Variants in TMSB15B observed in about 807,000 individuals in gnomAD.
The protein encoded by TMSB15B is thymosin beta-15B.
chrX:103,950,480 A>G (rs2075036327), intron 1 of TMSB15B, among the ~76,000 whole-genome samples: 1 of 110,768 alleles, frequency 9.0e-6, no homozygotes. Flanking sequence ...AGTCTTAGAC[A>G]GGAACACTGG....
chrX:103,934,363 T>C (rs1556320660), intron 1 of TMSB15B, among the ~76,000 whole-genome samples: 1 of 111,077 alleles, frequency 9.0e-6, no homozygotes, highest in Non-Finnish European at 1.9e-5. Flanking sequence ...TATTGTACTT[T>C]AAGTTCTGGG....
At chrX:103,940,320 T>G (rs1386490057) in intron 1 of TMSB15B, among the ~76,000 whole-genome samples, 1 of 112,418 alleles carries the variant, frequency 8.9e-6, no homozygotes, top group Admixed American at 9.4e-5. Flanking sequence ...AGTCCCTGAC[T>G]GGGGCTGCTG....
intron 1 of TMSB15B, among the ~76,000 whole-genome samples, chrX:103,938,561 A>G (rs1229142574): frequency 9.0e-6 from 1 of 111,508 alleles, no homozygotes; most frequent in Non-Finnish European, 1.9e-5. Flanking sequence ...TGCATGTGAG[A>G]TGGGTCTCCT....
At chrX:103,934,448 G>A (rs184746007) in intron 1 of TMSB15B, among the ~76,000 whole-genome samples, 6 of 110,087 alleles carry the variant, frequency 5.5e-5, no homozygotes, top group East Asian at 2.9e-4. Context: ...ACATCAATCC[G>A]TCATCTACAT....
At chrX:103,945,475 T>C (rs1203218305) in intron 1 of TMSB15B, among the ~76,000 whole-genome samples, 1 of 111,846 alleles carries the variant, frequency 8.9e-6, no homozygotes, top group Non-Finnish European at 1.9e-5. Flanking sequence ...CATAACCAAT[T>C]CAGTCCCACA....
chrX:103,921,945 T>C (rs1446698688), intron 1 of TMSB15B, among the ~76,000 whole-genome samples: 14 of 112,098 alleles, frequency 1.2e-4, no homozygotes, highest in African/African-American at 4.5e-4. Flanking sequence ...CCAAAGCCCA[T>C]GAAAACTCTT....
chrX:103,949,824 C>T (rs1362820131), intron 1 of TMSB15B, among the ~76,000 whole-genome samples: 2 of 111,394 alleles, frequency 1.8e-5, no homozygotes, highest in Non-Finnish European at 3.8e-5. Context: ...AAGAGATCAC[C>T]AAGGGAGTAT....
intron 1 of TMSB15B, among the ~76,000 whole-genome samples, chrX:103,954,426 A>G (rs1266136342): frequency 3.6e-5 from 4 of 111,685 alleles, no homozygotes; most frequent in Non-Finnish European, 7.5e-5. Context: ...TGACTTGTGG[A>G]GAGCTCCAGT....
intron 1 of TMSB15B, among the ~76,000 whole-genome samples, chrX:103,950,421 G>T (rs2075036162): frequency 9.1e-6 from 1 of 110,351 alleles, no homozygotes; most frequent in African/African-American, 3.3e-5. Context: ...ATCATCTGGG[G>T]CTCCCTCTTG....
At chrX:103,928,628 T>C in intron 1 of TMSB15B, 3 of 1,161,241 alleles carry the variant, frequency 2.6e-6, no homozygotes, top group Non-Finnish European at 3.5e-6. Context: ...TACCATGGTT[T>C]CTGGCCTGTC....
chrX:103,928,430 A>C, intron 1 of TMSB15B: 1 of 1,205,821 alleles, frequency 8.3e-7, no homozygotes, highest in Non-Finnish European at 1.1e-6. Context: ...GTTGGGCCAC[A>C]CACCCTGGGA....
chrX:103,922,475 C>A (rs144808477), intron 1 of TMSB15B, among the ~76,000 whole-genome samples: 2 of 107,472 alleles, frequency 1.9e-5, no homozygotes, highest in African/African-American at 3.4e-5. Flanking sequence ...TCTGTCCTTG[C>A]GACAGTTTGC....
intron 1 of TMSB15B, among the ~76,000 whole-genome samples, chrX:103,942,674 C>G (rs1354646093): frequency 8.9e-6 from 1 of 112,043 alleles, no homozygotes; most frequent in East Asian, 2.8e-4. Context: ...TTCAGCAAAA[C>G]TTAACTGTTG....
intron 1 of TMSB15B, among the ~76,000 whole-genome samples, chrX:103,938,448 A>G (rs1410701482): frequency 9.0e-6 from 1 of 111,722 alleles, no homozygotes; most frequent in Admixed American, 9.5e-5. Flanking sequence ...TTGTTGGTTT[A>G]AAGTCTGTTT....
intron 1 of TMSB15B, among the ~76,000 whole-genome samples, chrX:103,946,794 CTA>C (rs1445294802): frequency 8.1e-5 from 9 of 111,357 alleles, no homozygotes; most frequent in African/African-American, 2.9e-4. Context: ...AATCTTAAAA[CTA>C]ATAAAAAATC....
At chrX:103,922,381 A>G (rs1556317988) in intron 1 of TMSB15B, among the ~76,000 whole-genome samples, 1 of 53,520 alleles carries the variant, frequency 1.9e-5, no homozygotes, top group Admixed American at 3.0e-4. Context: ...GACAGGCCCC[A>G]GTGTGTGATG....
At chrX:103,933,979 C>A (rs868969928) in intron 1 of TMSB15B, among the ~76,000 whole-genome samples, 1 of 111,271 alleles carries the variant, frequency 9.0e-6, no homozygotes, top group Middle Eastern at 4.7e-3. Flanking sequence ...TCAAATTTAT[C>A]ATTTCTTTGT....
intron 1 of TMSB15B, among the ~76,000 whole-genome samples, chrX:103,933,999 A>T (rs2074991225): frequency 8.9e-6 from 1 of 111,751 alleles, no homozygotes; most frequent in Non-Finnish European, 1.9e-5. Context: ...TGTGGGAAAC[A>T]TTCCAAATCT....
At chrX:103,931,394 T>G (rs782156913) in intron 1 of TMSB15B, 4 of 111,896 alleles carry the variant, frequency 3.6e-5, no homozygotes, top group African/African-American at 1.3e-4. Context: ...AGAACACCCA[T>G]GTCCCCTTTA....
Sources: allele counts gnomAD v4.1 joint callset (sites outside exome capture counted in the v4.1 genomes callset), GRCh38; gene constraint gnomAD v4.1.1; transcripts MANE v1.5; gene names NCBI Gene and HGNC (gene_info 2026-07-23, HGNC 2026-07-21).